Variants in CTNNA3 observed in about 807,000 individuals in gnomAD.
CTNNA3 encodes the protein catenin alpha 3.
A neutral mutation model predicts 95.7 loss-of-function variants in CTNNA3; 76 were observed. That is an observed-to-expected ratio of 0.79 (90% CI 0.66 to 0.96). CTNNA3 has a LOEUF of 0.96. CTNNA3 is among the 40% of genes least tolerant of loss of function. The pLI is 0.00. For synonymous variants in CTNNA3, 431 were observed against 374.4 expected, an observed-to-expected ratio of 1.15 and a Z score of -1.74; for missense variants, 1,191 against 1,089.8, an observed-to-expected ratio of 1.09 and a Z score of -1.31.
At chr10:66,639,422 T>A (rs1845443171) in intron 9 of CTNNA3, among the ~76,000 whole-genome samples, 1 of 152,128 alleles carries the variant, frequency 6.6e-6, no homozygotes, top group Non-Finnish European at 1.5e-5. Context: ...TAGGAAGCAG[T>A]ATGATTTGAA....
At chr10:66,750,679 T>C (rs1801345746) in intron 9 of CTNNA3, among the ~76,000 whole-genome samples, 1 of 152,214 alleles carries the variant, frequency 6.6e-6, no homozygotes, top group Non-Finnish European at 1.5e-5. Flanking sequence ...TCTTTCAATA[T>C]TGAGTTGGCT....
chr10:65,952,863 C>T (rs901293814), intron 17 of CTNNA3, among the ~76,000 whole-genome samples: 5 of 152,112 alleles, frequency 3.3e-5, no homozygotes. Context: ...TATTTATCAT[C>T]CAGTTTTTTA....
intron 13 of CTNNA3, among the ~76,000 whole-genome samples, chr10:66,153,882 C>T (rs1158205134): frequency 6.7e-6 from 1 of 149,312 alleles, no homozygotes; most frequent in Non-Finnish European, 1.5e-5. Context: ...CACACACATA[C>T]CTATATAATA....
chr10:66,439,539 T>A (rs2093361843), intron 11 of CTNNA3, among the ~76,000 whole-genome samples: 1 of 152,084 alleles, frequency 6.6e-6, no homozygotes, highest in African/African-American at 2.4e-5. Context: ...TTCCTTATGA[T>A]AAATAAAATA....
chr10:67,102,140 G>A (rs1858381303), intron 7 of CTNNA3, among the ~76,000 whole-genome samples: 1 of 151,642 alleles, frequency 6.6e-6, no homozygotes, highest in South Asian at 2.1e-4. Flanking sequence ...CTTGCAATAA[G>A]AAAGAGCTTC....
chr10:67,205,888 T>C (rs1863874528), intron 6 of CTNNA3, among the ~76,000 whole-genome samples: 1 of 152,196 alleles, frequency 6.6e-6, no homozygotes, highest in African/African-American at 2.4e-5. Flanking sequence ...ATGTAAATCT[T>C]CTTAAAAGTG....
At chr10:66,054,817 A>G (rs1305701241) in intron 15 of CTNNA3, among the ~76,000 whole-genome samples, 2 of 152,170 alleles carry the variant, frequency 1.3e-5, no homozygotes, top group Non-Finnish European at 2.9e-5. Context: ...AATGTCCTGA[A>G]GTTTTTCCCC....
chr10:66,409,315 G>T (rs10509265), intron 11 of CTNNA3, among the ~76,000 whole-genome samples: 23,540 of 151,820 alleles, frequency 0.16, 2,416 homozygotes, highest in South Asian at 0.28. Flanking sequence ...TCATGTTTTT[G>T]GTCTACTTAA....
chr10:67,597,125 T>C (rs1842955771), intron 3 of CTNNA3, among the ~76,000 whole-genome samples: 1 of 152,226 alleles, frequency 6.6e-6, no homozygotes, highest in Non-Finnish European at 1.5e-5. Context: ...AGTTTGGTTC[T>C]TTCTTAAAAT....
intron 11 of CTNNA3, among the ~76,000 whole-genome samples, chr10:66,414,337 G>A (rs1421975502): frequency 1.3e-5 from 2 of 152,090 alleles, no homozygotes; most frequent in Non-Finnish European, 2.9e-5. Flanking sequence ...AATAGTGACA[G>A]GCAATATCTA....
At chr10:66,010,859 C>T (rs2078992526) in intron 15 of CTNNA3, among the ~76,000 whole-genome samples, 1 of 152,222 alleles carries the variant, frequency 6.6e-6, no homozygotes, top group Admixed American at 6.5e-5. Flanking sequence ...CCACCACTAC[C>T]AGAAGGTGGT....
chr10:66,133,017 TAAC>T (rs1391327675), intron 13 of CTNNA3, among the ~76,000 whole-genome samples: 2 of 152,008 alleles, frequency 1.3e-5, no homozygotes, highest in Non-Finnish European at 2.9e-5. Context: ...TTTACCTATA[TAAC>T]AACCTGTACA....
At chr10:66,277,417 T>C (rs951490349) in intron 13 of CTNNA3, among the ~76,000 whole-genome samples, 4 of 152,234 alleles carry the variant, frequency 2.6e-5, no homozygotes, top group South Asian at 2.1e-4. Context: ...ACTTTTTAGA[T>C]ACCTTGAAGA....
chr10:66,585,923 T>A (rs1412057153), intron 10 of CTNNA3, among the ~76,000 whole-genome samples: 1 of 152,182 alleles, frequency 6.6e-6, no homozygotes, highest in East Asian at 1.9e-4. Flanking sequence ...TAGTTTTTGA[T>A]TCAATTGGGT....
At chr10:67,235,237 G>A (rs1336011501) in intron 5 of CTNNA3, among the ~76,000 whole-genome samples, 24 of 151,418 alleles carry the variant, frequency 1.6e-4, no homozygotes, top group Non-Finnish European at 3.0e-4. Context: ...CAAAGCTGGA[G>A]GCATCACACT....
At chr10:67,614,218 C>T (rs1328950827) in intron 2 of CTNNA3, among the ~76,000 whole-genome samples, 1 of 152,164 alleles carries the variant, frequency 6.6e-6, no homozygotes, top group Non-Finnish European at 1.5e-5. Flanking sequence ...CTGCAGAGCA[C>T]TGATTGGTGC....
intron 13 of CTNNA3, among the ~76,000 whole-genome samples, chr10:66,256,940 C>T (rs1470895511): frequency 2.0e-5 from 3 of 152,102 alleles, no homozygotes; most frequent in Non-Finnish European, 1.5e-5. Flanking sequence ...AGCCTGTCCT[C>T]ACTAGAAATA....
At chr10:67,185,697 A>C (rs1399885191) in intron 6 of CTNNA3, among the ~76,000 whole-genome samples, 1 of 151,964 alleles carries the variant, frequency 6.6e-6, no homozygotes, top group Non-Finnish European at 1.5e-5. Flanking sequence ...ATTTAGTACA[A>C]ACTTTCCACT....
intron 13 of CTNNA3, among the ~76,000 whole-genome samples, chr10:66,248,453 A>T (rs1911469): frequency 0.81 from 122,479 of 151,662 alleles, 49,801 homozygotes; most frequent in South Asian, 0.94. Flanking sequence ...ATGGAGTAGA[A>T]GAATAGATTT....
Sources: gnomAD v4.1 joint callset for allele counts (sites outside exome capture counted in the v4.1 genomes callset) on GRCh38, gnomAD v4.1.1 for gene constraint, MANE v1.5 for transcripts, NCBI Gene and HGNC (gene_info 2026-07-23, HGNC 2026-07-21) for gene names.